TNR: variants seen among roughly 807,000 people sequenced by gnomAD.
TNR encodes the protein tenascin-R.
TNR carries 45 observed loss-of-function variants against 150.4 expected under a neutral mutation model. The ratio of observed to expected loss-of-function variants is 0.30; its 90% CI spans 0.24 to 0.38. The LOEUF (loss-of-function observed/expected upper bound fraction) is 0.38. Ranked by LOEUF, TNR falls within the 10% of genes least tolerant of loss-of-function variation. TNR has a pLI of 1.00. For missense variants in TNR, 1,544 were observed against 1,759.1 expected (o/e 0.88, Z 2.19); for synonymous variants, 687 against 678.4 (o/e 1.01, Z -0.20).
intron 2 of TNR, among the ~76,000 whole-genome samples, chr1:175,507,147 C>A (rs902642618): frequency 1.3e-5 from 2 of 152,168 alleles, no homozygotes; most frequent in Admixed American, 1.3e-4. Context: ...GTGCCTGAGC[C>A]TCCACCTCCC....
At chr1:175,523,855 C>G (rs749172067) in intron 2 of TNR, among the ~76,000 whole-genome samples, 1 of 152,200 alleles carries the variant, frequency 6.6e-6, no homozygotes, top group Non-Finnish European at 1.5e-5. Flanking sequence ...CACTCAAAGT[C>G]TAAATGTCTG....
intron 2 of TNR, among the ~76,000 whole-genome samples, chr1:175,481,037 C>G (rs1252102340): frequency 6.6e-6 from 1 of 152,072 alleles, no homozygotes; most frequent in Non-Finnish European, 1.5e-5. Flanking sequence ...AAACCTTCTG[C>G]GTTGTCACTG....
chr1:175,710,925 G>A (rs973176864), intron 1 of TNR, among the ~76,000 whole-genome samples: 1 of 152,124 alleles, frequency 6.6e-6, no homozygotes, highest in Non-Finnish European at 1.5e-5. Flanking sequence ...ACACAGGCGT[G>A]CCTTTGCTGC....
At chr1:175,678,726 G>C (rs926566746) in intron 1 of TNR, among the ~76,000 whole-genome samples, 2 of 152,218 alleles carry the variant, frequency 1.3e-5, no homozygotes, top group African/African-American at 2.4e-5. Context: ...GCAAAACAAA[G>C]AGCCTAAAAC....
chr1:175,479,959 CT>C (rs1368009824), intron 2 of TNR, among the ~76,000 whole-genome samples: 1 of 152,100 alleles, frequency 6.6e-6, no homozygotes. Flanking sequence ...GAAGTAGCTC[CT>C]GTCTTCATGT....
intron 1 of TNR, among the ~76,000 whole-genome samples, chr1:175,625,012 G>T (rs1000786921): frequency 6.6e-6 from 1 of 152,156 alleles, no homozygotes; most frequent in African/African-American, 2.4e-5. Flanking sequence ...CACCTCTAGG[G>T]CCTCATCCTA....
In TNR at chr1:175,363,720, G is replaced by A. The variant is rs776846663; in HGVS notation, c.2695C>T (p.Arg899Ter). The A allele has an allele frequency of 1.9e-6, 3 of 1,613,320 alleles. No individual in the cohort carries two copies. Among genetic ancestry groups the A allele is most frequent in the Non-Finnish European group, 2.5e-6 (3 of 1,179,618 alleles). Reference protein sequence around the residue: ...ASFDYYRVSYRPTQVGRLDSS... With the variant: ...ASFDYYRVSY ...ATCACTTTGTTACCTTGGGTGGGTC[G>A]ATATGATACTCGGTAGTAATCGAAA... Residue 899 changes from arginine (R) to a stop codon, truncating the protein, a stop_gained, in exon 13 of 23, where the codon CGA becomes TGA. Transcript: ENST00000367674. LOFTEE classifies it high-confidence loss of function.
At chr1:175,685,754 C>T (rs1260205478) in intron 1 of TNR, among the ~76,000 whole-genome samples, 2 of 152,100 alleles carry the variant, frequency 1.3e-5, no homozygotes, top group Non-Finnish European at 2.9e-5. Context: ...CCAAATCATC[C>T]CCCCAAACAT....
At chr1:175,381,344 CAA>C (rs1652670588) in intron 8 of TNR, among the ~76,000 whole-genome samples, 2 of 152,180 alleles carry the variant, frequency 1.3e-5, no homozygotes, top group African/African-American at 4.8e-5. Flanking sequence ...GTGCTCTTCA[CAA>C]CTAAAAACCC....
In TNR at chr1:175,315,451, TCTTC is replaced by T. The variant is rs1213378139; in HGVS notation, c.*7902_*7905del. The T allele has an allele frequency of 1.3e-5, 2 of 152,336 alleles. No individual in the cohort carries two copies. Among genetic ancestry groups the T allele is most frequent in the Non-Finnish European group, 2.9e-5 (2 of 68,036 alleles). The allele number at this position is 152,336 out of a possible 1,614,324, so 9.4% of individuals were successfully genotyped here. On this transcript the variant is annotated 3_prime_UTR_variant, in exon 23 of 23. Transcript: ENST00000367674. Reference sequence around the variant, plus strand: ...TATGTACTCCATTTTCTTTTTTTTTTCTTCCTTCCAGTCTTTCTTTTAAGTAAGC... The same window carrying T: ...TATGTACTCCATTTTCTTTTTTTTTTCTTCCAGTCTTTCTTTTAAGTAAGC...
Position 175,323,327 on chromosome 1 carries a change from A to G in TNR, c.*30T>C, listed in dbSNP as rs1397412906. 3.7e-6 allele frequency: 6 copies of G among 1,608,898 alleles called. No individual in the cohort carries two copies. Among genetic ancestry groups the G allele is most frequent in the Non-Finnish European group, 5.1e-6 (6 of 1,177,932 alleles). ...TATAAAATACAAACAAATGACAGAA[A>G]ATATTGGTTGGCTTGCAGCCGCCCA... On this transcript the variant is annotated 3_prime_UTR_variant, in exon 23 of 23. Transcript: ENST00000367674.
chr1:175,386,741 C>G (rs1288859872), intron 7 of TNR, among the ~76,000 whole-genome samples: 1 of 152,170 alleles, frequency 6.6e-6, no homozygotes, highest in Non-Finnish European at 1.5e-5. Flanking sequence ...TCCAAGACTT[C>G]CAGATTGGTT....
chr1:175,331,580 A>G (rs1166196096), intron 20 of TNR, among the ~76,000 whole-genome samples: 1 of 151,872 alleles, frequency 6.6e-6, no homozygotes, highest in Non-Finnish European at 1.5e-5. Flanking sequence ...TCTTATATAC[A>G]TTTTCTTGCC....
intron 1 of TNR, among the ~76,000 whole-genome samples, chr1:175,633,559 A>T (rs1664400192): frequency 6.6e-6 from 1 of 152,220 alleles, no homozygotes; most frequent in Non-Finnish European, 1.5e-5. Context: ...AATTACAATT[A>T]ATTAAATATT....
intron 1 of TNR, among the ~76,000 whole-genome samples, chr1:175,697,349 T>TC (rs1666561102): frequency 7.9e-6 from 1 of 127,304 alleles, no homozygotes; most frequent in Non-Finnish European, 1.7e-5. Flanking sequence ...TTCTACGTCT[T>TC]TTTTTTTTTT....
At chr1:175,580,829 C>T (rs1046723657) in intron 1 of TNR, among the ~76,000 whole-genome samples, 1 of 152,112 alleles carries the variant, frequency 6.6e-6, no homozygotes, top group African/African-American at 2.4e-5. Context: ...AGATCTATTT[C>T]CTTCAATTGC....
intron 1 of TNR, among the ~76,000 whole-genome samples, chr1:175,677,992 C>G (rs1034744685): frequency 6.6e-6 from 1 of 151,934 alleles, no homozygotes; most frequent in Non-Finnish European, 1.5e-5. Flanking sequence ...GCATTAGGCA[C>G]TGTCAAATGT....
intron 1 of TNR, among the ~76,000 whole-genome samples, chr1:175,678,038 T>C (rs1313749923): frequency 6.6e-6 from 1 of 151,920 alleles, no homozygotes; most frequent in Non-Finnish European, 1.5e-5. Context: ...GAAAAAGCTG[T>C]TCCTAATGGG....
At chr1:175,518,443 T>C (rs1271750555) in intron 2 of TNR, among the ~76,000 whole-genome samples, 1 of 152,148 alleles carries the variant, frequency 6.6e-6, no homozygotes, top group African/African-American at 2.4e-5. Context: ...CTAAATACCA[T>C]CACAAGGCTC....
Sources: allele counts gnomAD v4.1 joint callset (sites outside exome capture counted in the v4.1 genomes callset), GRCh38; gene constraint gnomAD v4.1.1; transcripts MANE v1.5; gene names NCBI Gene and HGNC (gene_info 2026-07-23, HGNC 2026-07-21).